The following GK5 variants were observed in gnomAD, a reference collection of about 807,000 sequenced individuals.
The protein encoded by GK5 is ATP:glycerol 3-phosphotransferase 5.
A neutral mutation model predicts 77.3 loss-of-function variants in GK5; 39 were observed. The observed-to-expected ratio is 0.50, with a 90% confidence interval of 0.39 to 0.66. The LOEUF (loss-of-function observed/expected upper bound fraction) is 0.66. Among genes scored for constraint, GK5 ranks in the 30% least tolerant of loss-of-function variants. GK5 has a pLI of 0.00. For synonymous variants in GK5, 211 were observed against 208.0 expected (o/e 1.01, Z -0.13); for missense variants, 487 against 633.8 (o/e 0.77, Z 2.49).
At chr3:142,202,735 T>C (rs937027716) in intron 4 of GK5, among the ~76,000 whole-genome samples, 1 of 152,160 alleles carries the variant, frequency 6.6e-6, no homozygotes, top group Non-Finnish European at 1.5e-5. Context: ...GGTGGGCGGA[T>C]CACGTGAGGC....
intron 5 of GK5, among the ~76,000 whole-genome samples, chr3:142,193,782 C>T (rs998134726): frequency 5.9e-5 from 9 of 151,982 alleles, no homozygotes; most frequent in African/African-American, 2.2e-4. Flanking sequence ...GCTCTGTTGC[C>T]CAGGCTGGAG....
chr3:142,218,377 CA>C (rs35885439), intron 1 of GK5, among the ~76,000 whole-genome samples: 100 of 126,036 alleles, frequency 7.9e-4, no homozygotes, highest in Middle Eastern at 4.1e-3. Context: ...TACTAAAATA[CA>C]AAAAAAAAAA....
intron 12 of GK5, among the ~76,000 whole-genome samples, chr3:142,177,096 T>A (rs891802408): frequency 3.9e-5 from 6 of 152,238 alleles, no homozygotes; most frequent in African/African-American, 4.8e-5. Flanking sequence ...CAATGGCTTA[T>A]TTCCTCTAAG....
chr3:142,203,616 T>C (rs1202059224), intron 4 of GK5, among the ~76,000 whole-genome samples: 1 of 151,904 alleles, frequency 6.6e-6, no homozygotes, highest in African/African-American at 2.4e-5. Context: ...CTGTTAAAAA[T>C]AGAAAAAATT....
chr3:142,205,317 A>C (rs2107791968), intron 3 of GK5, among the ~76,000 whole-genome samples: 1 of 152,356 alleles, frequency 6.6e-6, no homozygotes, highest in South Asian at 2.1e-4. Flanking sequence ...GTAAAAAAAA[A>C]AATCCTTTTT....
rs1399191009 is a variant in GK5, at chr3:142,159,849, C to CTTTTTTTTTTTTTTT, written c.*5772_*5773insAAAAAAAAAAAAAAA. 6.7e-5 allele frequency: 7 copies of CTTTTTTTTTTTTTTT among 104,826 alleles called. No homozygotes were observed. The highest frequency in any genetic ancestry group is 2.8e-4 in the African/African-American group (7 of 24,630). 6.5% of individuals were successfully genotyped at this position (104,826 alleles called of 1,614,324 possible). A position where few individuals can be genotyped will look rare whatever the true frequency, so the allele number is the denominator to read the frequency against. On this transcript the variant is annotated 3_prime_UTR_variant, in exon 16 of 16. Coordinates refer to ENST00000392993, the MANE Select transcript of GK5 (RefSeq NM_001039547.3). The stretch of plus-strand genomic sequence containing the variant: ...GGGCTTTCTCTCTCTCTCTCTCTCT[C>CTTTTTTTTTTTTTTT]TCTCTTTTTTTTTTTTGAGACAGAG...
chr3:142,175,134 T>C (rs1217691956), intron 12 of GK5, among the ~76,000 whole-genome samples: 2 of 152,204 alleles, frequency 1.3e-5, no homozygotes. Context: ...AGCTTCTCTG[T>C]CTATCCTATT....
At chr3:142,216,339 A>C (rs2064276427) in intron 1 of GK5, among the ~76,000 whole-genome samples, 1 of 152,142 alleles carries the variant, frequency 6.6e-6, no homozygotes, top group Non-Finnish European at 1.5e-5. Context: ...CACTCAGAGG[A>C]AATGGGGCAG....
At position 142,225,573 on chromosome 3, in the gene GK5, C is replaced by CCT; in HGVS notation, c.-120_-119dup. On this transcript the variant is annotated 5_prime_UTR_variant, in exon 1 of 16. Transcript: ENST00000392993. ...GCCCCAACCCGGCTCAGCCGGAGAG[C>CCT]CTAGAGAGGCCTGGCCCCTGCCGCC... The CCT allele has an allele frequency of 7.8e-7, 1 of 1,283,198 alleles. No homozygotes were observed. The highest frequency in any genetic ancestry group is 1.0e-6 in the Non-Finnish European group (1 of 963,186). The allele number at this position is 1,283,198 out of a possible 1,614,324, so 79.5% of individuals were successfully genotyped here.
At chr3:142,189,759 G>A (rs1046906467) in intron 5 of GK5, among the ~76,000 whole-genome samples, 1 of 152,154 alleles carries the variant, frequency 6.6e-6, no homozygotes, top group Non-Finnish European at 1.5e-5. Flanking sequence ...GGCTCTCATA[G>A]GAACTACAAG....
chr3:142,177,738 C>G, intron 11 of GK5, 162 bp from the exon 12 acceptor site: 8 of 581,056 alleles, frequency 1.4e-5, no homozygotes, highest in Non-Finnish European at 2.4e-5. Context: ...AAAGACCATT[C>G]TGTTCTGGTA....
At chr3:142,180,581 C>T (rs1302277984) in intron 11 of GK5, among the ~76,000 whole-genome samples, 6 of 152,292 alleles carry the variant, frequency 3.9e-5, no homozygotes, top group East Asian at 3.9e-4. Context: ...GGATTACAGG[C>T]GTGAGCCACC....
At chr3:142,185,813 A>T in intron 9 of GK5, 116 bp downstream of exon 9, 1 of 1,543,508 alleles carries the variant, frequency 6.5e-7, no homozygotes, top group Non-Finnish European at 8.7e-7. Context: ...AAAAAAAAAT[A>T]CTTTAATCTT....
intron 1 of GK5, among the ~76,000 whole-genome samples, chr3:142,218,965 G>A (rs1278699239): frequency 6.6e-6 from 1 of 152,142 alleles, no homozygotes; most frequent in Admixed American, 6.5e-5. Flanking sequence ...AAGAAAACAT[G>A]TGGATTACAA....
At chr3:142,194,763 A>T (rs1022883375) in intron 5 of GK5, among the ~76,000 whole-genome samples, 2 of 150,918 alleles carry the variant, frequency 1.3e-5, no homozygotes, top group African/African-American at 4.9e-5. Flanking sequence ...ATTAGTGCTA[A>T]TTTTTTTAGG....
At chr3:142,186,338 A>G in intron 7 of GK5, 71 bp from the exon 8 acceptor site, 2 of 1,061,492 alleles carry the variant, frequency 1.9e-6, no homozygotes, top group South Asian at 1.4e-5. Flanking sequence ...ATATCAAAAC[A>G]TCATGTTGTA....
intron 9 of GK5, among the ~76,000 whole-genome samples, chr3:142,184,094 TA>T (rs891249439): frequency 2.0e-5 from 3 of 149,714 alleles, no homozygotes; most frequent in African/African-American, 4.9e-5. Context: ...CCATCTCTAC[TA>T]AAAAAAATAC....
chr3:142,195,072 G>T (rs2063913875), intron 5 of GK5, among the ~76,000 whole-genome samples: 1 of 151,906 alleles, frequency 6.6e-6, no homozygotes, highest in Non-Finnish European at 1.5e-5. Context: ...ATTTTATCAT[G>T]AAGAGGGGCT....
chr3:142,187,141 T>C (rs1197498250), intron 6 of GK5, among the ~76,000 whole-genome samples: 1 of 152,182 alleles, frequency 6.6e-6, no homozygotes, highest in African/African-American at 2.4e-5. Flanking sequence ...TGTCTTATCA[T>C]TCTTGAAATT....
Sources: allele counts gnomAD v4.1 joint callset (sites outside exome capture counted in the v4.1 genomes callset), GRCh38; gene constraint gnomAD v4.1.1; transcripts MANE v1.5; gene names NCBI Gene and HGNC (gene_info 2026-07-23, HGNC 2026-07-21).